The following TAB2 variants were observed in gnomAD, a reference collection of about 807,000 sequenced individuals.
The protein encoded by TAB2 is TGF-beta-activated kinase 1 and MAP3K7-binding protein 2.
TAB2 carries 3 observed loss-of-function variants against 65.0 expected under a neutral mutation model. That is an observed-to-expected ratio of 0.05 (90% CI 0.02 to 0.12). The LOEUF (loss-of-function observed/expected upper bound fraction) is 0.12, where lower values mean the gene tolerates loss of function less well. Ranked by LOEUF, TAB2 falls within the 10% of genes least tolerant of loss-of-function variation. TAB2 has a pLI of 1.00. For missense variants in TAB2, 623 were observed against 840.3 expected (o/e 0.74, Z 3.20); for synonymous variants, 298 against 285.1 (o/e 1.05, Z -0.46).
In TAB2 at chr6:149,357,430, A is replaced by AACACACACACACAC. The variant is rs1554261742; in HGVS notation, c.-89-12455_-89-12442dup. Among the ~76,000 whole-genome samples, 302 of 110,566 alleles carry AACACACACACACAC rather than the reference A, an allele frequency of 2.7e-3. 4 individuals are homozygous for AACACACACACACAC. Among genetic ancestry groups the AACACACACACACAC allele is most frequent in the African/African-American group, 7.6e-3 (222 of 29,100 alleles). The allele number at this position is 110,566 out of a possible 152,430, so 72.5% of individuals were successfully genotyped here. ...GACTCCGTCTCAAGGAGAAAAAAAA[A>AACACACACACACAC]ACACACACACACACACACACACACA... On this transcript the variant is annotated intron_variant, in intron 1 of 6. Transcript: ENST00000637181.
At chr6:149,225,773 T>C (rs1777259805) in intron 1 of TAB2, among the ~76,000 whole-genome samples, 1 of 152,114 alleles carries the variant, frequency 6.6e-6, no homozygotes, top group Non-Finnish European at 1.5e-5. Context: ...AGGCTGTGAA[T>C]GAAAATGTAT....
intron 1 of TAB2, among the ~76,000 whole-genome samples, chr6:149,225,197 G>A (rs1056999498): frequency 1.3e-5 from 2 of 152,192 alleles, no homozygotes; most frequent in African/African-American, 2.4e-5. Flanking sequence ...TATTCGAAAA[G>A]CAGGCAACAG....
intron 3 of TAB2, among the ~76,000 whole-genome samples, chr6:149,384,356 C>A (rs1201326472): frequency 2.6e-5 from 4 of 152,016 alleles, no homozygotes; most frequent in African/African-American, 9.7e-5. Context: ...TTTAATACAT[C>A]CTCTACTATA....
Position 149,349,362 on chromosome 6 carries a change from A to G in TAB2, c.-89-20547A>G, listed in dbSNP as rs535719801. Reference sequence around the variant, plus strand: ...TTGAACCCAGGAGGCGGAGGTTGCAATGAGCCGAGATCACTCCACTGCACT... The same window carrying G: ...TTGAACCCAGGAGGCGGAGGTTGCAGTGAGCCGAGATCACTCCACTGCACT... On this transcript the variant is annotated intron_variant, in intron 1 of 6. Transcript: ENST00000637181. Among the ~76,000 whole-genome samples, 18 of 148,130 alleles carry G rather than the reference A, an allele frequency of 1.2e-4. No individual in the cohort carries two copies. In the South Asian group the frequency reaches 2.9e-3, roughly 23 times the overall value.
chr6:149,266,807 T>G (rs948503184), intron 1 of TAB2, among the ~76,000 whole-genome samples: 1 of 152,052 alleles, frequency 6.6e-6, no homozygotes, highest in African/African-American at 2.4e-5. Context: ...TGTGACACAA[T>G]CTCACCTTGT....
chr6:149,324,436 ACT>A (rs1392839710), intron 1 of TAB2, among the ~76,000 whole-genome samples: 5 of 152,092 alleles, frequency 3.3e-5, no homozygotes, highest in African/African-American at 9.7e-5. Context: ...TTAAAGTTTT[ACT>A]CTCACATTGA....
intron 2 of TAB2, among the ~76,000 whole-genome samples, chr6:149,377,215 C>A (rs552709882): frequency 6.6e-6 from 1 of 151,654 alleles, no homozygotes; most frequent in Non-Finnish European, 1.5e-5. Context: ...GGACTACAGG[C>A]GCCCGCCACC....
intron 3 of TAB2, among the ~76,000 whole-genome samples, chr6:149,384,427 C>G (rs1385322504): frequency 6.6e-6 from 1 of 152,126 alleles, no homozygotes; most frequent in Non-Finnish European, 1.5e-5. Flanking sequence ...CATCTCAGCA[C>G]TAAGTCTGTC....
rs60881279 is a variant in TAB2, at chr6:149,239,544, T to C, written c.-121+20768T>C. On this transcript the variant is annotated intron_variant, in intron 1 of 1. Coordinates refer to the TAB2 transcript ENST00000606202. ...AAAAGCATATGTAAATGTTTTGACA[T>C]GGTGTTGGGATATTTCACTTCAGTT... Among the ~76,000 whole-genome samples the C allele has an allele frequency of 2.5e-3, 380 of 152,374 alleles. 3 individuals carry two copies. The highest frequency in any genetic ancestry group is 8.9e-3 in the African/African-American group (372 of 41,594).
At chr6:149,253,980 AAG>A (rs1288502053) in intron 1 of TAB2, among the ~76,000 whole-genome samples, 1 of 144,430 alleles carries the variant, frequency 6.9e-6, no homozygotes, top group Non-Finnish European at 1.5e-5. Flanking sequence ...GAAAGAAAGA[AAG>A]AAAGAAAGAA....
chr6:149,324,009 G>A (rs940941055), intron 1 of TAB2, among the ~76,000 whole-genome samples: 3 of 152,074 alleles, frequency 2.0e-5, no homozygotes, highest in African/African-American at 7.2e-5. Context: ...CTTCAGAAAG[G>A]AAGTCTGATT....
intron 1 of TAB2, among the ~76,000 whole-genome samples, chr6:149,318,311 A>G (rs1322446228): frequency 2.6e-5 from 4 of 151,180 alleles, no homozygotes; most frequent in Non-Finnish European, 5.9e-5. Flanking sequence ...TCGAGCGCCT[A>G]GGAGAGCCCC....
intron 1 of TAB2, among the ~76,000 whole-genome samples, chr6:149,222,204 A>G (rs1166838215): frequency 2.0e-5 from 3 of 152,068 alleles, no homozygotes; most frequent in Non-Finnish European, 4.4e-5. Flanking sequence ...GCCTCTCTGG[A>G]TCTCAGGCCT....
In TAB2 at chr6:149,343,953, C is replaced by T. The variant is rs560082856; in HGVS notation, c.-90+25938C>T. Among the ~76,000 whole-genome samples, 10 of 152,262 alleles carry T rather than the reference C, an allele frequency of 6.6e-5. No homozygotes were observed. In the East Asian group the frequency reaches 1.7e-3, roughly 26 times the overall value. ...AAAACTGAAGAGGAATTTTGTATCC[C>T]AATTGTGAATTTAAAAGGCAATCCT... On this transcript the variant is annotated intron_variant, in intron 1 of 6. Coordinates refer to ENST00000637181, the MANE Select transcript of TAB2 (RefSeq NM_001292034.3).
At chr6:149,390,295 C>CA (rs1295706126) in intron 3 of TAB2, among the ~76,000 whole-genome samples, 1 of 151,800 alleles carries the variant, frequency 6.6e-6, no homozygotes, top group African/African-American at 2.4e-5. Flanking sequence ...TCATTACAGA[C>CA]AAAAAACAAA....
At chr6:149,406,921 T>G (rs1782683540) in intron 6 of TAB2, among the ~76,000 whole-genome samples, 1 of 152,174 alleles carries the variant, frequency 6.6e-6, no homozygotes. Context: ...TTCTCCACGT[T>G]GGTCAAGCTG....
chr6:149,381,569 CTTTTTTTTTT>C (rs557951574), intron 3 of TAB2, among the ~76,000 whole-genome samples: 4 of 95,582 alleles, frequency 4.2e-5, no homozygotes. Context: ...CCCTCCTATT[CTTTTTTTTTT>C]TTTTTTTTTT....
intron 1 of TAB2, among the ~76,000 whole-genome samples, chr6:149,303,437 GA>G (rs1438095528): frequency 6.6e-6 from 1 of 150,732 alleles, no homozygotes; most frequent in Admixed American, 6.6e-5. Context: ...TGCAAAGCAG[GA>G]TACCCCATTA....
intron 1 of TAB2, among the ~76,000 whole-genome samples, chr6:149,335,001 T>G (rs533537562): frequency 2.0e-5 from 3 of 152,160 alleles, no homozygotes; most frequent in Non-Finnish European, 4.4e-5. Context: ...AGTTTACTTG[T>G]TCCAGTCCCA....
Sources: allele counts gnomAD v4.1 joint callset (sites outside exome capture counted in the v4.1 genomes callset), GRCh38; gene constraint gnomAD v4.1.1; transcripts MANE v1.5; gene names NCBI Gene and HGNC (gene_info 2026-07-23, HGNC 2026-07-21).